Variants in SLC2A9 observed in about 807,000 individuals in gnomAD.
The protein encoded by SLC2A9 is solute carrier family 2 member 9.
SLC2A9 carries 39 observed loss-of-function variants against 50.6 expected under a neutral mutation model. That is an observed-to-expected ratio of 0.77 (90% CI 0.60 to 1.01). The LOEUF (loss-of-function observed/expected upper bound fraction) is 1.01. SLC2A9 is among the 50% of genes least tolerant of loss of function. The probability of loss-of-function intolerance (pLI) is 0.00; values close to 1 mark genes in which losing one functional copy is unlikely to be tolerated. For missense variants in SLC2A9, 686 were observed against 677.6 expected (o/e 1.01, Z -0.14); for synonymous variants, 324 against 276.9 (o/e 1.17, Z -1.69).
chr4:9,797,840 G>A (rs1470110204), downstream of SLC2A9, among the ~76,000 whole-genome samples: 1 of 152,120 alleles, frequency 6.6e-6, no homozygotes, highest in Non-Finnish European at 1.5e-5. Flanking sequence ...GCCCAGGCTA[G>A]AGTGCAGTGG....
chr4:9,948,126 C>G (rs1466925888), intron 5 of SLC2A9, among the ~76,000 whole-genome samples: 2 of 152,038 alleles, frequency 1.3e-5, no homozygotes, highest in Non-Finnish European at 2.9e-5. Flanking sequence ...CACCACCCCC[C>G]CACCCCTTAC....
chr4:9,977,422 C>T (rs867479274), intron 5 of SLC2A9, among the ~76,000 whole-genome samples: 3 of 152,048 alleles, frequency 2.0e-5, no homozygotes, highest in Non-Finnish European at 2.9e-5. Context: ...TGCCCTTGTC[C>T]CTCAAGCAGC....
chr4:9,942,419 G>A (rs1356834887), intron 5 of SLC2A9, among the ~76,000 whole-genome samples: 1 of 152,154 alleles, frequency 6.6e-6, no homozygotes, highest in African/African-American at 2.4e-5. Context: ...TGCCTCCCAG[G>A]CTGCCCCAAG....
chr4:9,782,234 C>T (rs758067205), intron 3 of SLC2A9: 3 of 1,613,096 alleles, frequency 1.9e-6, no homozygotes, highest in Non-Finnish European at 2.5e-6. Flanking sequence ...CGTGCGGAGC[C>T]GCCACCTGCG....
chr4:9,795,003 C>A (rs1047859080), downstream of SLC2A9, among the ~76,000 whole-genome samples: 1 of 82,626 alleles, frequency 1.2e-5, no homozygotes, highest in Admixed American at 1.3e-4. Flanking sequence ...GGCATTAACC[C>A]ATCCTTTTTT....
chr4:9,995,793 A>C (rs1272622822), intron 3 of SLC2A9: 1 of 152,234 alleles, frequency 6.6e-6, no homozygotes, highest in Non-Finnish European at 1.5e-5. Context: ...TTTTACAGAT[A>C]AGAAAATTGA....
intron 5 of SLC2A9, among the ~76,000 whole-genome samples, chr4:9,959,275 C>T (rs1751843468): frequency 6.6e-6 from 1 of 151,134 alleles, no homozygotes; most frequent in African/African-American, 2.4e-5. Context: ...GCATGTAATC[C>T]CAGCTACTCT....
chr4:10,026,063 T>C (rs537543876), upstream of SLC2A9: 2 of 1,291,510 alleles, frequency 1.5e-6, no homozygotes, highest in Non-Finnish European at 2.2e-6. Context: ...GATGTGCAAG[T>C]CAGGGGAGGT....
chr4:10,017,904 G>A (rs968748477), intron 2 of SLC2A9, among the ~76,000 whole-genome samples: 1 of 152,006 alleles, frequency 6.6e-6, no homozygotes, highest in Admixed American at 6.5e-5. Flanking sequence ...CAAGAACCTG[G>A]AGCTCCCCGC....
intron 10 of SLC2A9, among the ~76,000 whole-genome samples, chr4:9,871,153 G>A (rs1303527446): frequency 6.6e-6 from 1 of 152,068 alleles, no homozygotes; most frequent in East Asian, 1.9e-4. Flanking sequence ...CCATAACCTT[G>A]GCAGGCAGCT....
chr4:10,015,691 G>C (rs1003031946), intron 2 of SLC2A9, among the ~76,000 whole-genome samples: 1 of 152,170 alleles, frequency 6.6e-6, no homozygotes, highest in African/African-American at 2.4e-5. Context: ...GTGAGAAAGA[G>C]GCCGTCTGCA....
intron 7 of SLC2A9, among the ~76,000 whole-genome samples, chr4:9,913,326 T>TGA (rs1306092514): frequency 7.7e-6 from 1 of 129,772 alleles, no homozygotes; most frequent in East Asian, 2.3e-4. Flanking sequence ...TGTGTGTGTG[T>TGA]GTGTGAGAGA....
At chr4:9,860,863 C>A (rs910610023) in intron 10 of SLC2A9, among the ~76,000 whole-genome samples, 1 of 152,222 alleles carries the variant, frequency 6.6e-6, no homozygotes, top group African/African-American at 2.4e-5. Flanking sequence ...GAATGACACA[C>A]GGGGCCTTTG....
In SLC2A9 at chr4:9,886,726, T is replaced by C. The variant is rs537368644; in HGVS notation, c.1291+841A>G. ...AAGAAACACAACCAAAGAACAGCCA[T>C]GAATATCATCCCATGAGAGAGCACA... On this transcript the variant is annotated intron_variant, in intron 10 of 11. Coordinates refer to ENST00000264784, the MANE Select transcript of SLC2A9 (RefSeq NM_020041.3). 1.3e-4 allele frequency among the ~76,000 whole-genome samples: 20 copies of C among 152,050 alleles called. No homozygotes were observed. In the South Asian group the frequency reaches 3.1e-3, roughly 24 times the overall value.
intron 11 of SLC2A9, 83 bp from the exon 12 acceptor site, chr4:9,826,683 T>C: frequency 3.9e-6 from 5 of 1,272,700 alleles, no homozygotes; most frequent in South Asian, 2.5e-5. Flanking sequence ...ATTTTTAAGA[T>C]AGCTCCACAT....
intron 6 of SLC2A9, among the ~76,000 whole-genome samples, chr4:9,921,351 C>A (rs767657113): frequency 6.6e-6 from 1 of 152,052 alleles, no homozygotes; most frequent in Non-Finnish European, 1.5e-5. Flanking sequence ...TGAATGTGTG[C>A]TTGAAGGCGG....
intron 2 of SLC2A9, among the ~76,000 whole-genome samples, chr4:10,000,170 C>T (rs1164278518): frequency 6.6e-6 from 1 of 152,176 alleles, no homozygotes; most frequent in African/African-American, 2.4e-5. Context: ...AATATATTAT[C>T]AATAGCTACA....
downstream of SLC2A9, among the ~76,000 whole-genome samples, chr4:9,797,287 C>T (rs1720706126): frequency 6.6e-6 from 1 of 152,208 alleles, no homozygotes; most frequent in Non-Finnish European, 1.5e-5. Context: ...CCTTATTTTA[C>T]AGACAAATAA....
chr4:9,841,787 T>G (rs1474457823), intron 10 of SLC2A9, among the ~76,000 whole-genome samples: 1 of 152,160 alleles, frequency 6.6e-6, no homozygotes, highest in African/African-American at 2.4e-5. Context: ...CTTTAACTGG[T>G]TTCCTCAAAT....
Sources: allele counts gnomAD v4.1 joint callset (sites outside exome capture counted in the v4.1 genomes callset), GRCh38; gene constraint gnomAD v4.1.1; transcripts MANE v1.5; gene names NCBI Gene and HGNC (gene_info 2026-07-23, HGNC 2026-07-21).